The following RPH3AL variants were observed in gnomAD, a reference collection of about 807,000 sequenced individuals.
RPH3AL encodes rab effector Noc2.
A neutral mutation model predicts 43.1 loss-of-function variants in RPH3AL; 38 were observed. The observed-to-expected ratio is 0.88, with a 90% CI of 0.68 to 1.15. RPH3AL has a LOEUF of 1.15. RPH3AL is among the 50% of genes most tolerant of loss of function. The pLI, the probability that RPH3AL is intolerant of heterozygous loss-of-function variation, is 0.00. For synonymous variants in RPH3AL, 189 were observed against 176.3 expected, an observed-to-expected ratio of 1.07 and a Z score of -0.57; for missense variants, 462 against 423.2, an observed-to-expected ratio of 1.09 and a Z score of -0.81.
At chr17:250,778 C>T (rs782406313) in intron 6 of RPH3AL, among the ~76,000 whole-genome samples, 1 of 151,752 alleles carries the variant, frequency 6.6e-6, no homozygotes, top group East Asian at 2.0e-4. Flanking sequence ...CACTGCGGGA[C>T]CTCTCAGAGC....
At chr17:321,031 C>T (rs1034404595) in intron 4 of RPH3AL, among the ~76,000 whole-genome samples, 5 of 152,210 alleles carry the variant, frequency 3.3e-5, no homozygotes, top group Non-Finnish European at 5.9e-5. Flanking sequence ...CAGCATGGGG[C>T]GCACAGCTCA....
Position 274,576 on chromosome 17 carries a change from G to A in RPH3AL, c.438+7192C>T, listed in dbSNP as rs1465423726. Among the ~76,000 whole-genome samples the A allele has an allele frequency of 2.6e-5, 4 of 152,244 alleles. No individual in the cohort carries two copies. The highest frequency in any genetic ancestry group is 9.6e-5 in the African/African-American group (4 of 41,468). On this transcript the variant is annotated intron_variant, in intron 6 of 9. Transcript: ENST00000331302. The surrounding 1 kb of genome is among the most constrained non-coding windows in gnomAD (Gnocchi z 4.7). ...TCTGGGAGAGCAGGGAGAGCAGGAA[G>A]AGCGGAGGAGACAGCATAAGCCAGG...
In RPH3AL at chr17:331,805, T is replaced by C. The variant is rs1458726301; in HGVS notation, c.-37+1954A>G. 2.3e-6 allele frequency: 3 copies of C among 1,289,008 alleles called. No individual in the cohort carries two copies. The African/African-American group carries it at 4.6e-5, about 20-fold the overall frequency. The allele number at this position is 1,289,008 out of a possible 1,614,324, so 79.8% of individuals were successfully genotyped here. ...TGACCCTTCTCTCTTAAAAGCAGGGTCCTGAAAACTCCAGAGAGCAGTGCC... is the reference window on the plus strand; with the variant it reads ...TGACCCTTCTCTCTTAAAAGCAGGGCCCTGAAAACTCCAGAGAGCAGTGCC... On this transcript the variant is annotated intron_variant, in intron 2 of 9. Transcript: ENST00000331302.
At chr17:219,192 CTTTTTTTTTTTTT>C (rs796389217) in intron 8 of RPH3AL, among the ~76,000 whole-genome samples, 2 of 58,018 alleles carry the variant, frequency 3.4e-5, no homozygotes, top group African/African-American at 1.6e-4. Flanking sequence ...ATAAACAGCA[CTTTTTTTTTTTTT>C]TTTTTTTTTT....
At chr17:320,634 G>T (rs1321580797) in intron 4 of RPH3AL, among the ~76,000 whole-genome samples, 1 of 151,620 alleles carries the variant, frequency 6.6e-6, no homozygotes, top group Non-Finnish European at 1.5e-5. Flanking sequence ...GTGAGACCCT[G>T]TCCCCCCCAA....
intron 7 of RPH3AL, among the ~76,000 whole-genome samples, chr17:243,256 TATTG>T (rs1361128488): frequency 1.4e-5 from 2 of 145,036 alleles, no homozygotes; most frequent in Admixed American, 6.8e-5. Context: ...TACCTTTCTC[TATTG>T]ATTACCCTTC....
intron 2 of RPH3AL, chr17:331,088 A>G (rs76778487): frequency 0.026 from 2,936 of 110,930 alleles, 108 homozygotes; most frequent in East Asian, 0.14. Context: ...CGAGGGAGGC[A>G]AGGGAGGCAG....
At chr17:281,399 CA>C (rs1385999335) in intron 6 of RPH3AL, among the ~76,000 whole-genome samples, 2 of 152,220 alleles carry the variant, frequency 1.3e-5, no homozygotes, top group East Asian at 1.9e-4. Flanking sequence ...GCCAGGCACA[CA>C]GTCAGCGTTC....
intron 6 of RPH3AL, among the ~76,000 whole-genome samples, chr17:267,706 C>T (rs1054428718): frequency 3.9e-5 from 6 of 152,084 alleles, no homozygotes; most frequent in African/African-American, 1.4e-4. Flanking sequence ...TTCTGAAGTC[C>T]CATTGCTTCC....
chr17:310,991 T>G (rs2043631756), intron 5 of RPH3AL, among the ~76,000 whole-genome samples: 1 of 152,048 alleles, frequency 6.6e-6, no homozygotes, highest in Non-Finnish European at 1.5e-5. Flanking sequence ...CATTCACTGC[T>G]CAAACGCAGT....
At chr17:268,480 C>A (rs1196329277) in intron 6 of RPH3AL, among the ~76,000 whole-genome samples, 3 of 150,954 alleles carry the variant, frequency 2.0e-5, no homozygotes, top group Admixed American at 2.0e-4. Flanking sequence ...GGTAAGTCTT[C>A]CAGTCAACAG....
At position 274,212 on chromosome 17, in the gene RPH3AL, A is replaced by T. The variant is rs1044895853; in HGVS notation, c.438+7556T>A. Among the ~76,000 whole-genome samples the T allele has an allele frequency of 1.3e-5, 2 of 152,246 alleles. No individual in the cohort carries two copies. Among genetic ancestry groups the T allele is most frequent in the South Asian group, 2.1e-4 (1 of 4,834 alleles). On this transcript the variant is annotated intron_variant, in intron 6 of 9. Transcript: ENST00000331302. This position sits in a 1 kb window ranked among gnomAD's most constrained non-coding sequence, Gnocchi z 4.7. Reference sequence around the variant, plus strand: ...CTAACGCACCCATGAAAGCACGTGGAAAAGGCACCGCGAAACCCCAGCCCG... The same window carrying T: ...CTAACGCACCCATGAAAGCACGTGGTAAAGGCACCGCGAAACCCCAGCCCG...
chr17:297,852 C>T (rs1487665372), intron 5 of RPH3AL, among the ~76,000 whole-genome samples: 2 of 152,152 alleles, frequency 1.3e-5, no homozygotes, highest in East Asian at 3.9e-4. Context: ...ACTTGTAAGT[C>T]CCCGTTACTC....
chr17:315,492 A>G (rs2043978393), intron 5 of RPH3AL, among the ~76,000 whole-genome samples: 2 of 148,076 alleles, frequency 1.4e-5, no homozygotes, highest in African/African-American at 5.1e-5. Context: ...ATTGACCTGT[A>G]GTCCCTGTGA....
chr17:277,473 C>G (rs1351744695), intron 6 of RPH3AL, among the ~76,000 whole-genome samples: 1 of 152,076 alleles, frequency 6.6e-6, no homozygotes, highest in Non-Finnish European at 1.5e-5. Flanking sequence ...AAGGTAACAA[C>G]AGATAAGAAC....
Position 311,035 on chromosome 17 carries a change from T to C in RPH3AL, c.351+8385A>G, listed in dbSNP as rs557612059. 3.2e-3 allele frequency among the ~76,000 whole-genome samples: 480 copies of C among 151,904 alleles called. 5 individuals carry two copies. The highest frequency in any genetic ancestry group is 2.3e-3 in the Non-Finnish European group (155 of 67,942). On this transcript the variant is annotated intron_variant, in intron 5 of 9. Coordinates refer to ENST00000331302, the MANE Select transcript of RPH3AL (RefSeq NM_006987.4). ...CGAAAGACTCCCCTGCACCTGCCCA[T>C]TCACTGCTCAAATGCAGCTCGTCCC...
intron 7 of RPH3AL, among the ~76,000 whole-genome samples, chr17:222,182 G>A (rs62059580): frequency 0.23 from 35,610 of 152,234 alleles, 4,937 homozygotes; most frequent in Non-Finnish European, 0.3. Context: ...CAGTTTCCAT[G>A]GACACATTCA....
chr17:274,296 G>T lies in RPH3AL; in HGVS notation c.438+7472C>A, dbSNP rs901896838. On this transcript the variant is annotated intron_variant, in intron 6 of 9. Transcript: ENST00000331302. The surrounding 1 kb of genome is among the most constrained non-coding windows in gnomAD (Gnocchi z 4.7). ...CAGGTGAGGGGATGAGGCGGGAGAC[G>T]GGAGGCGTGCCATGGACCACCTGGG... Among the ~76,000 whole-genome samples the T allele has an allele frequency of 6.6e-6, 1 of 152,220 alleles. No individual in the cohort carries two copies. The highest frequency in any genetic ancestry group is 1.5e-5 in the Non-Finnish European group (1 of 68,030).
intron 6 of RPH3AL, among the ~76,000 whole-genome samples, chr17:251,350 G>A (rs1014760011): frequency 6.6e-6 from 1 of 152,196 alleles, no homozygotes; most frequent in East Asian, 1.9e-4. Context: ...AAAGTAGCCA[G>A]TCTCCTCCCC....
Sources: allele counts gnomAD v4.1 joint callset (sites outside exome capture counted in the v4.1 genomes callset), GRCh38; gene constraint gnomAD v4.1.1; non-coding constraint Gnocchi (gnomAD v3.1); transcripts MANE v1.5; gene names NCBI Gene and HGNC (gene_info 2026-07-23, HGNC 2026-07-21).